Variants in C14orf119 observed in about 807,000 individuals in gnomAD.
The protein encoded by C14orf119 is uncharacterized protein C14orf119.
A neutral mutation model predicts 13.5 loss-of-function variants in C14orf119; 17 were observed. The observed-to-expected ratio is 1.26, with a 90% CI of 0.86 to 1.88. The LOEUF (loss-of-function observed/expected upper bound fraction) is 1.88, where lower values mean the gene tolerates loss of function less well. Ranked by LOEUF, C14orf119 falls within the 40% of genes most tolerant of loss-of-function variation. The pLI, the probability that C14orf119 is intolerant of heterozygous loss-of-function variation, is 0.00. For synonymous variants in C14orf119, 61 were observed against 61.9 expected (o/e 0.99, Z 0.07); for missense variants, 162 against 165.9 (o/e 0.98, Z 0.13).
In C14orf119 at chr14:23,097,979, T is replaced by A. The variant is rs1191136218; in HGVS notation, c.321T>A (p.Ala107=). Residue 107 remains alanine (A), a synonymous_variant, in exon 2 of 2, where the codon GCT becomes GCA. Transcript: ENST00000319074. Reference sequence around the variant, plus strand: ...GGGATCAGTGGTTTCGAGGCTGGGCTGAGCAGGAGCGCAATGAATTTGTCA... The same window carrying A: ...GGGATCAGTGGTTTCGAGGCTGGGCAGAGCAGGAGCGCAATGAATTTGTCA... ...HLWDQWFRGW[A]EQERNEFVRQ... is the part of the protein sequence containing the mutation. The A allele has an allele frequency of 6.2e-7, 1 of 1,614,200 alleles. No individual in the cohort carries two copies. The highest frequency in any genetic ancestry group is 2.2e-5 in the East Asian group (1 of 44,892).
chr14:23,096,362 C>T (rs1190171745), intron 1 of C14orf119, among the ~76,000 whole-genome samples: 1 of 151,502 alleles, frequency 6.6e-6, no homozygotes, highest in Non-Finnish European at 1.5e-5. Context: ...ACTAAAAATA[C>T]AAACAAATTA....
Position 23,098,132 on chromosome 14 carries a change from C to G in C14orf119, c.*51C>G. 6.4e-7 allele frequency: 1 copy of G among 1,557,088 alleles called. No homozygotes were observed. The highest frequency in any genetic ancestry group is 2.3e-4 in the Middle Eastern group (1 of 4,318). ...CCATAGCTGATGGAGCCATGACTCT[C>G]TACAATGATAACTCAATTCAAATGT... On this transcript the variant is annotated 3_prime_UTR_variant, in exon 2 of 2. Transcript: ENST00000319074.
Position 23,098,050 on chromosome 14 carries a change from A to T in C14orf119, c.392A>T (p.Gln131Leu). 2 of 1,614,106 alleles carry T rather than the reference A, an allele frequency of 1.2e-6. No individual in the cohort carries two copies. Among genetic ancestry groups the T allele is most frequent in the Non-Finnish European group, 1.7e-6 (2 of 1,180,024 alleles). The change falls in exon 2 of 2, where the codon CAA becomes CTA. Residue 131 changes from glutamine to leucine, a missense_variant. By Grantham distance (113) the Gln-to-Leu change is moderately radical. Transcript: ENST00000319074. ...SEPDFVAKFY[Q>L]AVAATAGKD is the part of the protein sequence containing the mutation. ...CCAGACTTCGTGGCAAAGTTTTACCAAGCAGTGGCTGCTACAGCTGGTAAG... is the reference window on the plus strand; with the variant it reads ...CCAGACTTCGTGGCAAAGTTTTACCTAGCAGTGGCTGCTACAGCTGGTAAG...
Position 23,098,412 on chromosome 14 carries a change from C to G in C14orf119, c.*331C>G, listed in dbSNP as rs989227452. 3.7e-6 allele frequency: 1 copy of G among 271,992 alleles called. No homozygotes were observed. The highest frequency in any genetic ancestry group is 7.8e-5 in the East Asian group (1 of 12,834). 16.8% of individuals were successfully genotyped at this position (271,992 alleles called of 1,614,324 possible). A position where few individuals can be genotyped will look rare whatever the true frequency, so the allele number is the denominator to read the frequency against. ...CATTGTAACTCAAGTCCACTGCTGG[C>G]TCATGAAATGTGTAAAGTAGAACCC... On this transcript the variant is annotated 3_prime_UTR_variant, in exon 2 of 2. Coordinates refer to ENST00000319074, the MANE Select transcript of C14orf119 (RefSeq NM_017924.4).
chr14:23,098,811 A>T lies in C14orf119; in HGVS notation c.*730A>T, dbSNP rs1246940057. Reference sequence around the variant, plus strand: ...TGAGTATCTAGGACTACAGGCCCGCACAACAATATCTGGCTAATTTTTAAA... The same window carrying T: ...TGAGTATCTAGGACTACAGGCCCGCTCAACAATATCTGGCTAATTTTTAAA... On this transcript the variant is annotated 3_prime_UTR_variant, in exon 2 of 2. Transcript: ENST00000319074. 6.2e-6 allele frequency: 1 copy of T among 160,942 alleles called. No individual in the cohort carries two copies. Among genetic ancestry groups the T allele is most frequent in the Non-Finnish European group, 1.5e-5 (1 of 68,140 alleles). 10.0% of individuals were successfully genotyped at this position (160,942 alleles called of 1,614,324 possible).
Position 23,100,388 on chromosome 14 carries a change from C to T in C14orf119, c.*2307C>T, listed in dbSNP as rs1459918315. 3.6e-5 allele frequency: 15 copies of T among 412,078 alleles called. No individual in the cohort carries two copies. In the East Asian group the frequency reaches 4.3e-4, roughly 12 times the overall value. The allele number at this position is 412,078 out of a possible 1,614,324, so 25.5% of individuals were successfully genotyped here. On this transcript the variant is annotated 3_prime_UTR_variant, in exon 2 of 2. Transcript: ENST00000319074. The stretch of plus-strand genomic sequence containing the variant: ...GATGATCGTGTTAGGGATCTTTGTT[C>T]TCTGAAACGCAACCCTGTCTAGGAC...
intron 1 of C14orf119, 94 bp from the exon 2 acceptor site, chr14:23,097,564 A>G (rs1489163950): frequency 6.4e-6 from 7 of 1,095,400 alleles, no homozygotes; most frequent in African/African-American, 1.6e-5. Flanking sequence ...TTCTCTGTAG[A>G]TGCTAATTGA....
rs531216356 is a variant in C14orf119 at position 23,098,609 on chromosome 14, G to A, written c.*528G>A. 2 of 170,936 alleles carry A rather than the reference G, an allele frequency of 1.2e-5. No homozygotes were observed. Among genetic ancestry groups the A allele is most frequent in the African/African-American group, 4.8e-5 (2 of 41,464 alleles). The allele number at this position is 170,936 out of a possible 1,614,324, so 10.6% of individuals were successfully genotyped here. On this transcript the variant is annotated 3_prime_UTR_variant, in exon 2 of 2. Transcript: ENST00000319074. ...AAATTATGAAAAATCAGGAGAGGGA[G>A]ATAATTAGTTGCTTCCTCCTTCACA...
In C14orf119 at chr14:23,099,550, G is replaced by A. The variant is rs2048413061; in HGVS notation, c.*1469G>A. Reference sequence around the variant, plus strand: ...ATGCCTAGCCTTAGTAGATAAAGCGGCATTACCTTTTTTTTTTTTTTTTTT... The same window carrying A: ...ATGCCTAGCCTTAGTAGATAAAGCGACATTACCTTTTTTTTTTTTTTTTTT... On this transcript the variant is annotated 3_prime_UTR_variant, in exon 2 of 2. Transcript: ENST00000319074. 7.6e-6 allele frequency: 3 copies of A among 396,254 alleles called. No individual in the cohort carries two copies. Among genetic ancestry groups the A allele is most frequent in the South Asian group, 2.9e-4 (2 of 6,878 alleles). The allele number at this position is 396,254 out of a possible 1,614,324, so 24.5% of individuals were successfully genotyped here.
At chr14:23,096,052 CTTCT>C (rs1211386444) in intron 1 of C14orf119, among the ~76,000 whole-genome samples, 1 of 152,208 alleles carries the variant, frequency 6.6e-6, no homozygotes, top group Non-Finnish European at 1.5e-5. Flanking sequence ...TGTTTAGGGG[CTTCT>C]TTCTTTGTCA....
At position 23,099,243 on chromosome 14, in the gene C14orf119, T is replaced by G; in HGVS notation, c.*1162T>G. ...TTCCATCCAGTTGTCTCACAAGAAATTATTCTCTTCCTTACCCCCTGTCAT... is the reference window on the plus strand; with the variant it reads ...TTCCATCCAGTTGTCTCACAAGAAAGTATTCTCTTCCTTACCCCCTGTCAT... On this transcript the variant is annotated 3_prime_UTR_variant, in exon 2 of 2. Transcript: ENST00000319074. 2.4e-6 allele frequency: 1 copy of G among 413,396 alleles called. No homozygotes were observed. The highest frequency in any genetic ancestry group is 4.4e-6 in the Non-Finnish European group (1 of 226,122). 25.6% of individuals were successfully genotyped at this position (413,396 alleles called of 1,614,324 possible). A position where few individuals can be genotyped will look rare whatever the true frequency, so the allele number is the denominator to read the frequency against.
rs11372755 is a variant in C14orf119 at position 23,099,557 on chromosome 14, CTTTTTTTTTTTT to C, written c.*1484_*1495del. Reference sequence around the variant, plus strand: ...GCCTTAGTAGATAAAGCGGCATTACCTTTTTTTTTTTTTTTTTTTGGAGACAAGGTCTTGGTC... The same window carrying C: ...GCCTTAGTAGATAAAGCGGCATTACCTTTTTTTGGAGACAAGGTCTTGGTC... On this transcript the variant is annotated 3_prime_UTR_variant, in exon 2 of 2. Coordinates refer to ENST00000319074, the MANE Select transcript of C14orf119 (RefSeq NM_017924.4). 6 of 308,646 alleles carry C rather than the reference CTTTTTTTTTTTT, an allele frequency of 1.9e-5. No individual in the cohort carries two copies. The highest frequency in any genetic ancestry group is 1.8e-4 in the Admixed American group (3 of 16,716). The allele number at this position is 308,646 out of a possible 1,614,324, so 19.1% of individuals were successfully genotyped here. A position where few individuals can be genotyped will look rare whatever the true frequency, so the allele number is the denominator to read the frequency against.
At position 23,097,813 on chromosome 14, in the gene C14orf119, C is replaced by G; in HGVS notation, c.155C>G (p.Pro52Arg). 16 of 1,614,198 alleles carry G rather than the reference C, an allele frequency of 9.9e-6. No individual in the cohort carries two copies. Among genetic ancestry groups the G allele is most frequent in the Non-Finnish European group, 1.4e-5 (16 of 1,180,034 alleles). The part of the protein sequence containing the change: ...ILHWFANWSG[P>R]QRERFLEDLV... ...CACTGGTTTGCCAATTGGTCAGGTCCCCAGCGTGAACGTTTCCTAGAGGAC... is the reference window on the plus strand; with the variant it reads ...CACTGGTTTGCCAATTGGTCAGGTCGCCAGCGTGAACGTTTCCTAGAGGAC... Residue 52 changes from proline (P) to arginine (R), a missense_variant, in exon 2 of 2, where the codon CCC (proline) becomes CGC (arginine). Physicochemically the swap from Pro to Arg is moderately radical, Grantham distance 103. Coordinates refer to ENST00000319074, the MANE Select transcript of C14orf119 (RefSeq NM_017924.4).
chr14:23,096,551 G>A (rs1594799213), intron 1 of C14orf119, among the ~76,000 whole-genome samples: 3 of 129,022 alleles, frequency 2.3e-5, no homozygotes, highest in African/African-American at 9.0e-5. Flanking sequence ...GGCACCAATA[G>A]ATACCATACT....
In C14orf119 at chr14:23,097,774, T is replaced by A. The variant is rs1405454140; in HGVS notation, c.116T>A (p.Met39Lys). The A allele has an allele frequency of 6.2e-7, 1 of 1,614,100 alleles. No homozygotes were observed. The highest frequency in any genetic ancestry group is 1.3e-5 in the African/African-American group (1 of 74,948). The stretch of plus-strand genomic sequence containing the variant: ...ATGTCTTACATCACCTCCCAGGAGA[T>A]GAAGTGTATTCTTCACTGGTTTGCC... ...PLMSYITSQE[M>K]KCILHWFANW... Residue 39 changes from methionine to lysine, a missense_variant, in exon 2 of 2, where the codon ATG (methionine) becomes AAG (lysine). Transcript: ENST00000319074.
At position 23,097,859 on chromosome 14, in the gene C14orf119, A is replaced by T. The variant is rs772351232; in HGVS notation, c.201A>T (p.Pro67=). 18 of 1,614,134 alleles carry T rather than the reference A, an allele frequency of 1.1e-5. No individual in the cohort carries two copies. The highest frequency in any genetic ancestry group is 1.5e-5 in the Non-Finnish European group (18 of 1,180,042). The change falls in exon 2 of 2, where the codon CCA becomes CCT. Residue 67 remains proline, a synonymous_variant. Transcript: ENST00000319074. The part of the protein sequence containing the change: ...FLEDLVAKAV[P]EKLQPLLDSL... The stretch of plus-strand genomic sequence containing the variant: ...AGGACCTGGTAGCTAAGGCAGTGCC[A>T]GAAAAATTACAACCACTGCTGGATA...
rs368451275 is a variant in C14orf119 at position 23,098,113 on chromosome 14, C to G, written c.*32C>G. 1.3e-6 allele frequency: 2 copies of G among 1,589,344 alleles called. No individual in the cohort carries two copies. The highest frequency in any genetic ancestry group is 1.7e-6 in the Non-Finnish European group (2 of 1,164,106). Reference sequence around the variant, plus strand: ...TTCAGACCAAAGAAGATAACCATAGCTGATGGAGCCATGACTCTCTACAAT... The same window carrying G: ...TTCAGACCAAAGAAGATAACCATAGGTGATGGAGCCATGACTCTCTACAAT... On this transcript the variant is annotated 3_prime_UTR_variant, in exon 2 of 2. Transcript: ENST00000319074.
intron 1 of C14orf119, among the ~76,000 whole-genome samples, chr14:23,097,402 G>A (rs2048392724): frequency 6.6e-6 from 1 of 152,178 alleles, no homozygotes; most frequent in African/African-American, 2.4e-5. Flanking sequence ...TAAGAAAGAT[G>A]GAGGAAGACA....
At position 23,099,047 on chromosome 14, in the gene C14orf119, G is replaced by A. The variant is rs1312785731; in HGVS notation, c.*966G>A. The A allele has an allele frequency of 5.3e-5, 18 of 339,832 alleles. No individual in the cohort carries two copies. Among genetic ancestry groups the A allele is most frequent in the East Asian group, 3.7e-4 (8 of 21,588 alleles). 21.1% of individuals were successfully genotyped at this position (339,832 alleles called of 1,614,324 possible). The stretch of plus-strand genomic sequence containing the variant: ...CTGTAAGTTTGCTTTACAACAATAC[G>A]AAAATAAGTGACAATTTACAGGTTG... On this transcript the variant is annotated 3_prime_UTR_variant, in exon 2 of 2. Transcript: ENST00000319074.
Sources: gnomAD v4.1 joint callset for allele counts (sites outside exome capture counted in the v4.1 genomes callset) on GRCh38, gnomAD v4.1.1 for gene constraint, MANE v1.5 for transcripts, NCBI Gene and HGNC (gene_info 2026-07-23, HGNC 2026-07-21) for gene names.